Variants in IL1RAPL1 observed in about 807,000 individuals in gnomAD.
IL1RAPL1 encodes the protein interleukin 1 receptor accessory protein like 1.
IL1RAPL1 carries 3 observed loss-of-function variants against 48.4 expected under a neutral mutation model. That is an observed-to-expected ratio of 0.06 (90% CI 0.03 to 0.16). IL1RAPL1 has a LOEUF of 0.16. Among genes scored for constraint, IL1RAPL1 ranks in the 10% least tolerant of loss-of-function variants. The pLI is 1.00. For synonymous variants in IL1RAPL1, 185 were observed against 187.7 expected, an observed-to-expected ratio of 0.99 and a Z score of 0.12; for missense variants, 349 against 530.6, an observed-to-expected ratio of 0.66 and a Z score of 3.36.
intron 6 of IL1RAPL1, among the ~76,000 whole-genome samples, chrX:29,802,358 C>T (rs184267222): frequency 2.0e-4 from 22 of 110,923 alleles, no homozygotes; most frequent in African/African-American, 4.6e-4. Context: ...ATAAAATATA[C>T]CAGTGCTTCT....
intron 6 of IL1RAPL1, among the ~76,000 whole-genome samples, chrX:29,779,298 T>C (rs946743438): frequency 9.0e-6 from 1 of 111,479 alleles, no homozygotes; most frequent in Admixed American, 9.6e-5. Context: ...ACCCCAAAGA[T>C]ACTCAATGAC....
At chrX:28,683,800 C>T (rs932407574) in intron 1 of IL1RAPL1, among the ~76,000 whole-genome samples, 1 of 112,115 alleles carries the variant, frequency 8.9e-6, no homozygotes, top group East Asian at 2.8e-4. Flanking sequence ...TCTTTGGCTT[C>T]TGGGGCCCTT....
chrX:29,094,837 TAAAAAAA>T (rs143227525), intron 2 of IL1RAPL1, among the ~76,000 whole-genome samples: 2 of 69,213 alleles, frequency 2.9e-5, no homozygotes, highest in Admixed American at 2.0e-4. Context: ...ACCTAAAAAC[TAAAAAAA>T]AAAAAAAAAA....
chrX:28,791,100 GT>G (rs376715726), intron 2 of IL1RAPL1, among the ~76,000 whole-genome samples: 62 of 105,988 alleles, frequency 5.8e-4, no homozygotes, highest in Middle Eastern at 5.1e-3. Context: ...TATAAAATCT[GT>G]TTTTTTTTCA....
chrX:28,662,243 A>G (rs1379396720), intron 1 of IL1RAPL1, among the ~76,000 whole-genome samples: 1 of 110,912 alleles, frequency 9.0e-6, no homozygotes, highest in Non-Finnish European at 1.9e-5. Flanking sequence ...AAGCTTCTGA[A>G]CTTTTCCCCA....
chrX:29,612,863 T>G (rs1386828452), intron 5 of IL1RAPL1, among the ~76,000 whole-genome samples: 2 of 112,438 alleles, frequency 1.8e-5, no homozygotes, highest in Non-Finnish European at 1.9e-5. Context: ...TATTAGCTCT[T>G]AATTACTCAA....
At chrX:29,821,052 G>A (rs1336624155) in intron 6 of IL1RAPL1, among the ~76,000 whole-genome samples, 1 of 111,901 alleles carries the variant, frequency 8.9e-6, no homozygotes, top group Non-Finnish European at 1.9e-5. Context: ...TTGAAGTTTT[G>A]TGAGATGGCT....
chrX:29,674,953 A>C (rs778799416), intron 6 of IL1RAPL1, among the ~76,000 whole-genome samples: 1 of 112,447 alleles, frequency 8.9e-6, no homozygotes, highest in African/African-American at 3.2e-5. Context: ...CACTTTTTAA[A>C]AAAATCGAAT....
rs113525708 is a variant in IL1RAPL1 at position 29,031,684 on chromosome X, T to C, written c.82+242259T>C. ...TTGTGGGTTTAAAAAATTGAAATGC[T>C]ATTATTGGTAACTATCTTGGTCATT... On this transcript the variant is annotated intron_variant, in intron 2 of 10. Transcript: ENST00000378993. Among the ~76,000 whole-genome samples the C allele has an allele frequency of 6.1e-3, 685 of 111,833 alleles. 8 individuals are homozygous for C. Among genetic ancestry groups the C allele is most frequent in the African/African-American group, 0.021 (654 of 30,824 alleles).
chrX:28,590,851 GT>G (rs1933901336), intron 1 of IL1RAPL1, among the ~76,000 whole-genome samples: 1 of 112,148 alleles, frequency 8.9e-6, no homozygotes, highest in African/African-American at 3.2e-5. Context: ...AAAGACACTG[GT>G]TGTGAAGCAA....
At chrX:29,930,429 T>C (rs1249416989) in intron 8 of IL1RAPL1, among the ~76,000 whole-genome samples, 1 of 112,005 alleles carries the variant, frequency 8.9e-6, no homozygotes, top group Non-Finnish European at 1.9e-5. Flanking sequence ...ATATAAGCTA[T>C]TTTGTAGTAC....
At chrX:29,813,991 T>C (rs896225399) in intron 6 of IL1RAPL1, among the ~76,000 whole-genome samples, 2 of 111,888 alleles carry the variant, frequency 1.8e-5, no homozygotes, top group Non-Finnish European at 3.8e-5. Flanking sequence ...AATCCACCCA[T>C]TGATGGGAAG....
intron 1 of IL1RAPL1, among the ~76,000 whole-genome samples, chrX:28,669,703 T>G (rs1400750401): frequency 9.6e-6 from 1 of 104,361 alleles, no homozygotes; most frequent in Non-Finnish European, 1.9e-5. Context: ...ATATATAAAT[T>G]ATATATAATT....
At chrX:28,951,180 A>C (rs1269892053) in intron 2 of IL1RAPL1, among the ~76,000 whole-genome samples, 2 of 101,396 alleles carry the variant, frequency 2.0e-5, no homozygotes, top group African/African-American at 3.6e-5. Flanking sequence ...CTAGATGACG[A>C]GTTAGTGGGT....
At chrX:29,350,677 C>T (rs1028708728) in intron 3 of IL1RAPL1, among the ~76,000 whole-genome samples, 7 of 108,049 alleles carry the variant, frequency 6.5e-5, no homozygotes, top group African/African-American at 2.4e-4. Context: ...TTCTACATGG[C>T]GCCCTGAGCT....
At chrX:28,793,745 C>T (rs889226469) in intron 2 of IL1RAPL1, among the ~76,000 whole-genome samples, 2 of 110,937 alleles carry the variant, frequency 1.8e-5, no homozygotes, top group African/African-American at 6.5e-5. Context: ...TTGTAATTTG[C>T]CTGAAAAGTT....
At chrX:28,864,425 G>T (rs762212849) in intron 2 of IL1RAPL1, among the ~76,000 whole-genome samples, 4 of 112,169 alleles carry the variant, frequency 3.6e-5, no homozygotes, top group South Asian at 3.7e-4. Context: ...GATAACAAAT[G>T]AGTTTTTAAA....
intron 6 of IL1RAPL1, among the ~76,000 whole-genome samples, chrX:29,732,291 C>A (rs886642620): frequency 9.0e-6 from 1 of 111,636 alleles, no homozygotes; most frequent in African/African-American, 3.3e-5. Context: ...TGGCACTGTA[C>A]CCCACCCCCG....
intron 5 of IL1RAPL1, among the ~76,000 whole-genome samples, chrX:29,484,092 C>T (rs1935071399): frequency 9.1e-6 from 1 of 110,159 alleles, no homozygotes; most frequent in African/African-American, 3.3e-5. Context: ...ACTTGTTTCT[C>T]CTACTGGATC....
Sources: allele counts gnomAD v4.1 joint callset (sites outside exome capture counted in the v4.1 genomes callset), GRCh38; gene constraint gnomAD v4.1.1; transcripts MANE v1.5; gene names NCBI Gene and HGNC (gene_info 2026-07-23, HGNC 2026-07-21).